OSMR: variants seen among roughly 807,000 people sequenced by gnomAD.
OSMR encodes oncostatin M receptor.
OSMR carries 81 observed loss-of-function variants against 99.9 expected under a neutral mutation model. That is an observed-to-expected ratio of 0.81 (90% CI 0.68 to 0.97). The LOEUF (loss-of-function observed/expected upper bound fraction) is 0.97, where lower values mean the gene tolerates loss of function less well. Ranked by LOEUF, OSMR falls within the 50% of genes least tolerant of loss-of-function variation. OSMR has a pLI of 0.00. For synonymous variants in OSMR, 406 were observed against 410.4 expected (o/e 0.99, Z 0.13); for missense variants, 1,099 against 1,153.4 (o/e 0.95, Z 0.68).
intron 12 of OSMR, among the ~76,000 whole-genome samples, chr5:38,922,501 G>A (rs550108383): frequency 6.6e-6 from 1 of 152,258 alleles, no homozygotes; most frequent in East Asian, 1.9e-4. Context: ...ACTGGAGGGG[G>A]ATTTGGAGCC....
intron 13 of OSMR, among the ~76,000 whole-genome samples, chr5:38,923,524 T>C (rs1431619149): frequency 6.6e-6 from 1 of 152,222 alleles, no homozygotes; most frequent in Non-Finnish European, 1.5e-5. Context: ...TTTGTCCAAA[T>C]CCATAATAAT....
Position 38,918,966 on chromosome 5 carries a change from C to A in OSMR, c.1489C>A (p.Leu497Ile). The change falls in exon 11 of 18, where the codon CTT becomes ATT. Residue 497 changes from leucine to isoleucine, a missense_variant. By Grantham distance (5) the Leu-to-Ile change is conservative. Coordinates refer to ENST00000274276, the MANE Select transcript of OSMR (RefSeq NM_003999.3). ...PAPANSTKLILDRCSYQICVI... is the reference protein window; with the variant it reads ...PAPANSTKLIIDRCSYQICVI... ...ACCAGCCAACAGCACAAAACTAATC[C>A]TTGACAGGTGTTCCTACCAAATCTG... The A allele has an allele frequency of 6.2e-7, 1 of 1,614,150 alleles. No homozygotes were observed. The highest frequency in any genetic ancestry group is 1.3e-5 in the African/African-American group (1 of 75,042).
chr5:38,874,500 C>G (rs1055099966), intron 2 of OSMR, among the ~76,000 whole-genome samples: 5 of 152,138 alleles, frequency 3.3e-5, no homozygotes, highest in African/African-American at 1.2e-4. Context: ...TCATTTGAAT[C>G]TGAAGCTTTC....
At chr5:38,862,233 CTGGG>C (rs1741459694) in intron 1 of OSMR, among the ~76,000 whole-genome samples, 3 of 111,550 alleles carry the variant, frequency 2.7e-5, no homozygotes, top group Non-Finnish European at 3.7e-5. Context: ...GGGCGGCTGG[CTGGG>C]CGGGGGGCTG....
chr5:38,941,334 A>G (rs1747551601), intron 1 of OSMR: 1 of 231,422 alleles, frequency 4.3e-6, no homozygotes, highest in South Asian at 1.8e-4. Context: ...TGTTTTTTTT[A>G]AGGAAATATG....
chr5:38,880,964 A>G (rs1478063477), intron 3 of OSMR, among the ~76,000 whole-genome samples: 2 of 152,234 alleles, frequency 1.3e-5, no homozygotes, highest in Non-Finnish European at 2.9e-5. Context: ...TGACAGCTTC[A>G]GGGCCTAAGA....
intron 11 of OSMR, among the ~76,000 whole-genome samples, chr5:38,920,959 T>A (rs1452662818): frequency 6.6e-6 from 1 of 152,228 alleles, no homozygotes; most frequent in Non-Finnish European, 1.5e-5. Context: ...CAACTTTTTA[T>A]ATACCTGAAT....
At chr5:38,865,440 A>G (rs1561343964) in intron 1 of OSMR, among the ~76,000 whole-genome samples, 2 of 152,102 alleles carry the variant, frequency 1.3e-5, no homozygotes, top group Admixed American at 6.6e-5. Flanking sequence ...TTGGGTAGAG[A>G]GAGTGGTTAG....
At chr5:38,868,294 T>C (rs1742097056) in intron 1 of OSMR, among the ~76,000 whole-genome samples, 1 of 152,190 alleles carries the variant, frequency 6.6e-6, no homozygotes, top group Admixed American at 6.5e-5. Flanking sequence ...TCTAGGCTGG[T>C]CTCAGCTAGA....
rs778818388 is a variant in OSMR, at chr5:38,886,045, T to G, written c.846T>G (p.Ser282=). The G allele has an allele frequency of 1.9e-6, 3 of 1,613,182 alleles. No individual in the cohort carries two copies. The highest frequency in any genetic ancestry group is 1.3e-5 in the African/African-American group (1 of 74,908). The change falls in exon 7 of 18, where the codon TCT becomes TCG. Residue 282 remains serine, a synonymous_variant. Coordinates refer to ENST00000274276, the MANE Select transcript of OSMR (RefSeq NM_003999.3). ...SQSYTLFESF[S]GEKKLCTHKN... The stretch of plus-strand genomic sequence containing the variant: ...TTTTGTTTTGTTTTTAAAGATTTTC[T>G]GGGGAAAAGAAACTTTGTACACACA...
At chr5:38,943,226 T>C (rs1747797486) in intron 1 of OSMR, 2 of 358,432 alleles carry the variant, frequency 5.6e-6, no homozygotes, top group Non-Finnish European at 1.0e-5. Context: ...TTCTTTTTTA[T>C]TGGCATGAGA....
rs372632184 is a variant in OSMR at position 38,881,560 on chromosome 5, A to G, written c.247-33A>G. The G allele has an allele frequency of 3.7e-5, 59 of 1,613,894 alleles. No individual in the cohort carries two copies. The African/African-American group carries it at 6.7e-4, about 18-fold the overall frequency. On this transcript the variant is annotated intron_variant, in intron 3 of 17. Transcript: ENST00000274276. ...AGCTATTTTATAGGACAAGATGGCT[A>G]TGTGTCTCCAATTGTTTTCTCTTTG...
intron 1 of OSMR, among the ~76,000 whole-genome samples, chr5:38,855,391 C>A (rs919225016): frequency 6.6e-6 from 1 of 152,194 alleles, no homozygotes; most frequent in African/African-American, 2.4e-5. Context: ...TGCCTGACAT[C>A]TTTTCTTGGA....
chr5:38,932,606 T>C, intron 17 of OSMR, 71 bp downstream of exon 17: 20 of 1,572,562 alleles, frequency 1.3e-5, no homozygotes, highest in Non-Finnish European at 1.7e-5. Flanking sequence ...GCTGTCAGAA[T>C]CCTACTTTCC....
In OSMR at chr5:38,943,072, T is replaced by C. The variant is rs556669179; in HGVS notation, c.75-1129T>C. On this transcript the variant is annotated intron_variant and NMD_transcript_variant, in intron 1 of 2. Transcript: ENST00000508882. ...TTAAAAATAGATTTCCCTACAGATATGGATTAGATGGCATACTTGGGGTGA... is the reference window on the plus strand; with the variant it reads ...TTAAAAATAGATTTCCCTACAGATACGGATTAGATGGCATACTTGGGGTGA... 1.9e-4 allele frequency: 139 copies of C among 725,660 alleles called. 1 individual carries two copies. The African/African-American group carries it at 2.4e-3, about 12-fold the overall frequency. The allele number at this position is 725,660 out of a possible 1,614,324, so 45.0% of individuals were successfully genotyped here.
chr5:38,925,475 C>G (rs1746434665), intron 15 of OSMR, 104 bp downstream of exon 15: 2 of 1,000,878 alleles, frequency 2.0e-6, no homozygotes, highest in African/African-American at 3.2e-5. Context: ...ATTTTCAAAC[C>G]TTTCTTCTCC....
At chr5:38,913,857 G>A (rs554143555) in intron 9 of OSMR, among the ~76,000 whole-genome samples, 2 of 152,304 alleles carry the variant, frequency 1.3e-5, no homozygotes, top group African/African-American at 4.8e-5. Context: ...AGAAGGAGGT[G>A]TTACACAAAA....
At position 38,850,756 on chromosome 5, in the gene OSMR, C is replaced by A. The variant is rs566836171; in HGVS notation, c.-14+4369C>A. On this transcript the variant is annotated intron_variant, in intron 1 of 17. Coordinates refer to ENST00000274276, the MANE Select transcript of OSMR (RefSeq NM_003999.3). ...AGAAGATGTGCATCAACAGAAGTTA[C>A]GCTTTCTTGTGAGTAAATTTTTCAT... is the stretch of plus-strand genomic sequence containing the variant. Among the ~76,000 whole-genome samples, 4 of 152,272 alleles carry A rather than the reference C, an allele frequency of 2.6e-5. No homozygotes were observed. In the South Asian group the frequency reaches 8.3e-4, roughly 32 times the overall value.
chr5:38,905,169 C>T (rs1206088237), intron 9 of OSMR, among the ~76,000 whole-genome samples: 2 of 152,116 alleles, frequency 1.3e-5, no homozygotes, highest in Non-Finnish European at 2.9e-5. Flanking sequence ...GAGATTTGCC[C>T]TGATTGCAGT....
Sources: allele counts gnomAD v4.1 joint callset (sites outside exome capture counted in the v4.1 genomes callset), GRCh38; gene constraint gnomAD v4.1.1; transcripts MANE v1.5; gene names NCBI Gene and HGNC (gene_info 2026-07-23, HGNC 2026-07-21).